MARCHF1: variants seen among roughly 807,000 people sequenced by gnomAD.
MARCHF1 encodes the protein membrane associated ring-CH-type finger 1, also known as E3 ubiquitin-protein ligase MARCHF1.
A neutral mutation model predicts 54.2 loss-of-function variants in MARCHF1; 40 were observed. The ratio of observed to expected loss-of-function variants is 0.74; its 90% CI spans 0.57 to 0.96. MARCHF1 has a LOEUF of 0.96. Among genes scored for constraint, MARCHF1 ranks in the 40% least tolerant of loss-of-function variants. The probability of loss-of-function intolerance (pLI) is 0.00; values close to 1 mark genes in which losing one functional copy is unlikely to be tolerated. For synonymous variants in MARCHF1, 236 were observed against 236.3 expected, an observed-to-expected ratio of 1.00 and a Z score of 0.01; for missense variants, 586 against 656.5, an observed-to-expected ratio of 0.89 and a Z score of 1.17.
chr4:163,882,368 A>G (rs1222718463), intron 3 of MARCHF1, among the ~76,000 whole-genome samples: 3 of 152,192 alleles, frequency 2.0e-5, no homozygotes, highest in African/African-American at 7.2e-5. Flanking sequence ...TGAAATCTCC[A>G]GGGTCCAGGG....
intron 1 of MARCHF1, among the ~76,000 whole-genome samples, chr4:164,318,889 A>G (rs542772726): frequency 6.6e-6 from 1 of 152,366 alleles, no homozygotes; most frequent in Non-Finnish European, 1.5e-5. Context: ...GTTTATATAT[A>G]AAACACACAT....
At chr4:164,242,016 G>C (rs930693963) in intron 1 of MARCHF1, among the ~76,000 whole-genome samples, 24 of 152,220 alleles carry the variant, frequency 1.6e-4, no homozygotes, top group Admixed American at 1.0e-3. Context: ...ACGGCAGTCT[G>C]AGATCAAACT....
intron 3 of MARCHF1, among the ~76,000 whole-genome samples, chr4:163,926,527 A>G (rs1751542014): frequency 6.6e-6 from 1 of 151,628 alleles, no homozygotes; most frequent in African/African-American, 2.4e-5. Context: ...GGCAAAAGGC[A>G]TTGATTCAGA....
chr4:164,272,227 T>G, intron 1 of MARCHF1, among the ~76,000 whole-genome samples: 1 of 152,038 alleles, frequency 6.6e-6, no homozygotes, highest in East Asian at 1.9e-4. Context: ...TAGAATAAAG[T>G]TGTGAGTATG....
At position 164,274,659 on chromosome 4, in the gene MARCHF1, CTTTTTTTTTTTTTTTTTTTTT is replaced by C. The variant is rs70952617; in HGVS notation, c.-323+109190_-323+109210del. Among the ~76,000 whole-genome samples the C allele has an allele frequency of 1.8e-4, 8 of 44,644 alleles. 1 individual carries two copies. Among genetic ancestry groups the C allele is most frequent in the Non-Finnish European group, 2.9e-4 (6 of 20,620 alleles). 29.3% of individuals were successfully genotyped at this position (44,644 alleles called of 152,430 possible). On this transcript the variant is annotated intron_variant, in intron 1 of 9. Coordinates refer to ENST00000514618, the MANE Select transcript of MARCHF1 (RefSeq NM_001394959.1). ...CGCTTGATGTGTGCTTCAGGGTACACTTTTTTTTTTTTTTTTTTTTTTTTTTTTTTTTTTTTAGACGGAGTC... is the reference window on the plus strand; with the variant it reads ...CGCTTGATGTGTGCTTCAGGGTACACTTTTTTTTTTTTTTTAGACGGAGTC...
intron 4 of MARCHF1, among the ~76,000 whole-genome samples, chr4:163,731,515 CA>C (rs1329121909): frequency 6.6e-6 from 1 of 152,162 alleles, no homozygotes; most frequent in African/African-American, 2.4e-5. Context: ...AAAACCCAGG[CA>C]GTGATTAGCA....
intron 2 of MARCHF1, among the ~76,000 whole-genome samples, chr4:164,021,191 G>C (rs916362726): frequency 2.6e-5 from 4 of 151,560 alleles, no homozygotes; most frequent in Non-Finnish European, 5.9e-5. Flanking sequence ...CAGGTTGTTA[G>C]AGACAGATAA....
chr4:163,719,489 A>G (rs1394852893), intron 4 of MARCHF1, among the ~76,000 whole-genome samples: 1 of 152,136 alleles, frequency 6.6e-6, no homozygotes, highest in African/African-American at 2.4e-5. Context: ...CGCAATAAAC[A>G]GATGTGTGTG....
intron 8 of MARCHF1, chr4:163,584,183 A>T (rs578109181): frequency 6.6e-6 from 1 of 151,698 alleles, no homozygotes; most frequent in East Asian, 1.9e-4. Context: ...ATGTTTTTTA[A>T]TTAAACAAAA....
intron 1 of MARCHF1, among the ~76,000 whole-genome samples, chr4:164,307,069 C>A (rs927791888): frequency 6.6e-6 from 1 of 152,038 alleles, no homozygotes; most frequent in African/African-American, 2.4e-5. Flanking sequence ...AAATATAACT[C>A]TTGCTTGAAC....
chr4:163,560,725 A>C (rs1427910543), intron 8 of MARCHF1, among the ~76,000 whole-genome samples: 4 of 152,282 alleles, frequency 2.6e-5, no homozygotes, highest in South Asian at 4.1e-4. Context: ...TTCAAGGTAC[A>C]GGTCTTGTGT....
In MARCHF1 at chr4:163,915,503, A is replaced by G. The variant is rs539864573; in HGVS notation, c.-38-61334T>C. Among the ~76,000 whole-genome samples the G allele has an allele frequency of 2.6e-5, 4 of 152,312 alleles. No individual in the cohort carries two copies. The East Asian group carries it at 7.7e-4, about 29-fold the overall frequency. On this transcript the variant is annotated intron_variant, in intron 3 of 9. Coordinates refer to ENST00000514618, the MANE Select transcript of MARCHF1 (RefSeq NM_001394959.1). ...GGTATCCTGGATGAACTCCTGGAAC[A>G]GAAAAATAACTTTAGGTAAAAACTA...
At chr4:163,591,370 T>C (rs2110848020) in intron 7 of MARCHF1, among the ~76,000 whole-genome samples, 1 of 152,202 alleles carries the variant, frequency 6.6e-6, no homozygotes, top group Non-Finnish European at 1.5e-5. Context: ...CCCTAGTTTT[T>C]CCTTCCCTAC....
At chr4:163,864,458 C>T (rs1750007871) in intron 3 of MARCHF1, among the ~76,000 whole-genome samples, 1 of 151,732 alleles carries the variant, frequency 6.6e-6, no homozygotes, top group South Asian at 2.1e-4. Flanking sequence ...CCCAAGGAGA[C>T]CCGAAAACTA....
chr4:163,710,625 C>CT (rs903947566), intron 4 of MARCHF1, among the ~76,000 whole-genome samples: 4 of 151,088 alleles, frequency 2.6e-5, no homozygotes, highest in East Asian at 3.9e-4. Context: ...GAACCAAAGA[C>CT]TTTTTTTTTA....
chr4:163,956,744 T>C (rs1752240713), intron 3 of MARCHF1, among the ~76,000 whole-genome samples: 3 of 152,102 alleles, frequency 2.0e-5, no homozygotes, highest in African/African-American at 7.2e-5. Flanking sequence ...AGTGGTAACA[T>C]GGCTTTCAAT....
chr4:163,936,278 A>T (rs951165248), intron 3 of MARCHF1, among the ~76,000 whole-genome samples: 4 of 152,236 alleles, frequency 2.6e-5, no homozygotes, highest in Admixed American at 1.3e-4. Flanking sequence ...ACCAAAATGT[A>T]ACAGAGACTT....
chr4:163,895,416 T>A (rs1319323979), intron 3 of MARCHF1, among the ~76,000 whole-genome samples: 3 of 152,190 alleles, frequency 2.0e-5, no homozygotes, highest in Admixed American at 1.3e-4. Context: ...AAGGATGATG[T>A]TTGGCAGATG....
At chr4:164,024,033 A>T (rs767353921) in intron 2 of MARCHF1, among the ~76,000 whole-genome samples, 19 of 152,188 alleles carry the variant, frequency 1.2e-4, no homozygotes, top group Non-Finnish European at 2.6e-4. Flanking sequence ...GAAAAAAAAT[A>T]CAGAAAAAAG....
Sources: gnomAD v4.1 joint callset for allele counts (sites outside exome capture counted in the v4.1 genomes callset) on GRCh38, gnomAD v4.1.1 for gene constraint, MANE v1.5 for transcripts, NCBI Gene and HGNC (gene_info 2026-07-23, HGNC 2026-07-21) for gene names.